UBE2E2: variants seen among roughly 807,000 people sequenced by gnomAD.
UBE2E2 encodes the protein ubiquitin conjugating enzyme E2 E2.
Under a neutral mutation model 24.7 loss-of-function variants are expected in UBE2E2, and 6 were observed. The ratio of observed to expected loss-of-function variants is 0.24; its 90% confidence interval spans 0.13 to 0.48. The LOEUF is 0.48. Among genes scored for constraint, UBE2E2 ranks in the 20% least tolerant of loss-of-function variants. The pLI is 0.99. For missense variants in UBE2E2, 169 were observed against 245.0 expected, an observed-to-expected ratio of 0.69 and a Z score of 2.07; for synonymous variants, 104 against 83.6, an observed-to-expected ratio of 1.24 and a Z score of -1.33.
chr3:23,389,165 G>C (rs3104242), intron 3 of UBE2E2, among the ~76,000 whole-genome samples: 19 of 152,120 alleles, frequency 1.2e-4, no homozygotes, highest in Non-Finnish European at 2.9e-5. Flanking sequence ...AATAATCTAT[G>C]TTTTTTTGTC....
intron 3 of UBE2E2, among the ~76,000 whole-genome samples, chr3:23,232,167 C>T (rs981058729): frequency 2.0e-5 from 3 of 152,218 alleles, no homozygotes; most frequent in Non-Finnish European, 2.9e-5. Context: ...CTTCTGGCAA[C>T]CAGCCTCTAT....
At chr3:23,530,183 G>C (rs1049792756) in intron 4 of UBE2E2, among the ~76,000 whole-genome samples, 2 of 152,098 alleles carry the variant, frequency 1.3e-5, no homozygotes, top group African/African-American at 4.8e-5. Flanking sequence ...CTTAGCATGG[G>C]ATCAGTTTTT....
At chr3:23,356,720 G>A (rs775508105) in intron 3 of UBE2E2, among the ~76,000 whole-genome samples, 3 of 152,102 alleles carry the variant, frequency 2.0e-5, no homozygotes, top group Non-Finnish European at 2.9e-5. Context: ...GTTTTAGGTG[G>A]AAGCACAGAA....
chr3:23,332,718 T>TGTGTGTGCGC (rs1491331498), intron 3 of UBE2E2, among the ~76,000 whole-genome samples: 21 of 148,370 alleles, frequency 1.4e-4, no homozygotes, highest in African/African-American at 3.7e-4. Context: ...TGTGTGTGTG[T>TGTGTGTGCGC]GCAGCTATGG....
At chr3:23,264,356 CA>C (rs545737329) in intron 3 of UBE2E2, among the ~76,000 whole-genome samples, 23 of 131,272 alleles carry the variant, frequency 1.8e-4, no homozygotes, top group Non-Finnish European at 2.7e-4. Flanking sequence ...AAATAAAAAA[CA>C]AAAAAAGGAA....
At chr3:23,550,957 A>C (rs1372116365) in intron 5 of UBE2E2, among the ~76,000 whole-genome samples, 1 of 152,210 alleles carries the variant, frequency 6.6e-6, no homozygotes, top group Non-Finnish European at 1.5e-5. Flanking sequence ...AATCATCAAA[A>C]GATCCTGCCT....
At chr3:23,520,873 C>T (rs1156835178) in intron 4 of UBE2E2, among the ~76,000 whole-genome samples, 2 of 152,104 alleles carry the variant, frequency 1.3e-5, no homozygotes, top group African/African-American at 4.8e-5. Context: ...AGATTTCTGG[C>T]CTCAAGTGAT....
At chr3:23,588,780 A>G (rs1696690973) in intron 5 of UBE2E2, among the ~76,000 whole-genome samples, 1 of 152,164 alleles carries the variant, frequency 6.6e-6, no homozygotes, top group African/African-American at 2.4e-5. Context: ...CTCCTGTGTC[A>G]GCTCCTTAGA....
intron 2 of UBE2E2, among the ~76,000 whole-genome samples, chr3:23,212,261 A>AGATGCATTTTTGCGAT (rs1316579255): frequency 6.6e-6 from 1 of 152,202 alleles, no homozygotes; most frequent in Non-Finnish European, 1.5e-5. Flanking sequence ...GTTACATCTT[A>AGATGCATTTTTGCGAT]GATGCATTTT....
intron 3 of UBE2E2, among the ~76,000 whole-genome samples, chr3:23,454,011 TGA>T (rs1698622495): frequency 1.3e-5 from 2 of 152,194 alleles, no homozygotes; most frequent in African/African-American, 4.8e-5. Context: ...GGCAGCATTC[TGA>T]GATATTTGCA....
At chr3:23,229,474 C>T (rs1408707477) in intron 3 of UBE2E2, among the ~76,000 whole-genome samples, 2 of 152,090 alleles carry the variant, frequency 1.3e-5, no homozygotes, top group African/African-American at 4.8e-5. Flanking sequence ...TCCCCAAAGT[C>T]TGTTGTGTCA....
chr3:23,405,006 G>A (rs1361728961), intron 3 of UBE2E2, among the ~76,000 whole-genome samples: 1 of 152,186 alleles, frequency 6.6e-6, no homozygotes, highest in African/African-American at 2.4e-5. Flanking sequence ...ATGCGAAGGT[G>A]TTTTTCTGAT....
chr3:23,562,249 A>G (rs1301095309), intron 5 of UBE2E2, among the ~76,000 whole-genome samples: 1 of 152,002 alleles, frequency 6.6e-6, no homozygotes, highest in Non-Finnish European at 1.5e-5. Flanking sequence ...TCCCATCAAT[A>G]CCTAATTTAT....
At chr3:23,442,372 TG>T (rs1698328142) in intron 3 of UBE2E2, among the ~76,000 whole-genome samples, 1 of 151,620 alleles carries the variant, frequency 6.6e-6, no homozygotes, top group Non-Finnish European at 1.5e-5. Context: ...AAAAAGGACT[TG>T]TCTGGCTTCT....
At chr3:23,356,591 TCTC>T (rs1449738806) in intron 3 of UBE2E2, among the ~76,000 whole-genome samples, 1 of 152,160 alleles carries the variant, frequency 6.6e-6, no homozygotes. Flanking sequence ...TGACTCAACT[TCTC>T]ATCTTTCTTT....
chr3:23,294,827 G>T (rs1698866685), intron 3 of UBE2E2, among the ~76,000 whole-genome samples: 1 of 148,046 alleles, frequency 6.8e-6, no homozygotes, highest in Non-Finnish European at 1.5e-5. Flanking sequence ...ATCATTATTT[G>T]CTCTAAAGAT....
chr3:23,467,783 A>G (rs1054541826), intron 3 of UBE2E2, among the ~76,000 whole-genome samples: 3 of 152,182 alleles, frequency 2.0e-5, no homozygotes, highest in African/African-American at 2.4e-5. Context: ...AATTATGCTC[A>G]CAGTTTTGTG....
intron 3 of UBE2E2, among the ~76,000 whole-genome samples, chr3:23,246,700 G>A (rs1199011791): frequency 6.6e-6 from 1 of 151,674 alleles, no homozygotes; most frequent in Non-Finnish European, 1.5e-5. Flanking sequence ...TGAGCTTTGA[G>A]TAGTACCTGG....
At chr3:23,257,517 C>G (rs1316661657) in intron 3 of UBE2E2, among the ~76,000 whole-genome samples, 4 of 21,550 alleles carry the variant, frequency 1.9e-4, no homozygotes, top group Non-Finnish European at 3.0e-4. Context: ...CCCGTGCCCC[C>G]CCCCCCCCCC....
Sources: allele counts gnomAD v4.1 joint callset (sites outside exome capture counted in the v4.1 genomes callset), GRCh38; gene constraint gnomAD v4.1.1; transcripts MANE v1.5; gene names NCBI Gene and HGNC (gene_info 2026-07-23, HGNC 2026-07-21).